The following CMSS1 variants were observed in gnomAD, a reference collection of about 807,000 sequenced individuals.
The protein encoded by CMSS1 is cms1 ribosomal small subunit homolog.
A neutral mutation model predicts 43.5 loss-of-function variants in CMSS1; 33 were observed. The observed-to-expected ratio is 0.76, with a 90% CI of 0.57 to 1.01. The LOEUF is 1.01. CMSS1 is among the 50% of genes least tolerant of loss of function. The pLI is 0.00. For missense variants in CMSS1, 313 were observed against 326.4 expected (o/e 0.96, Z 0.32); for synonymous variants, 115 against 117.2 (o/e 0.98, Z 0.12).
At chr3:99,890,356 A>G (rs1388176335) in intron 1 of CMSS1, among the ~76,000 whole-genome samples, 2 of 152,064 alleles carry the variant, frequency 1.3e-5, no homozygotes, top group Non-Finnish European at 1.5e-5. Context: ...TGTCCTTACC[A>G]GGTTTCATTG....
chr3:99,849,995 T>G, intron 1 of CMSS1: 1 of 1,610,930 alleles, frequency 6.2e-7, no homozygotes. Context: ...CTCTCCTTGG[T>G]TACGCTGTAC....
chr3:99,850,260 T>C (rs1479116078), intron 1 of CMSS1: 2 of 1,613,796 alleles, frequency 1.2e-6, no homozygotes, highest in African/African-American at 2.7e-5. Context: ...CAATGGCTTC[T>C]AGCTCTTTGA....
At chr3:99,872,320 T>TGTGTGTGA (rs1431686347) in intron 1 of CMSS1, among the ~76,000 whole-genome samples, 1 of 143,158 alleles carries the variant, frequency 7.0e-6, no homozygotes, top group Admixed American at 7.0e-5. Context: ...TGTGTGTGTG[T>TGTGTGTGA]GTGACTGTGG....
chr3:100,081,107 C>T (rs1457023443), intron 1 of CMSS1, among the ~76,000 whole-genome samples: 1 of 152,186 alleles, frequency 6.6e-6, no homozygotes, highest in Non-Finnish European at 1.5e-5. Flanking sequence ...TTCTAGCCCC[C>T]TTATTTGATG....
chr3:100,105,351 A>G (rs1379965794), intron 1 of CMSS1, among the ~76,000 whole-genome samples: 1 of 152,186 alleles, frequency 6.6e-6, no homozygotes, highest in Non-Finnish European at 1.5e-5. Flanking sequence ...GACTAGTAAT[A>G]TCTTTTTAGA....
In CMSS1 at chr3:99,876,896, T is replaced by A. The variant is rs957526177; in HGVS notation, c.64+58853T>A. On this transcript the variant is annotated intron_variant, in intron 1 of 9. Coordinates refer to ENST00000421999, the MANE Select transcript of CMSS1 (RefSeq NM_032359.4). Reference sequence around the variant, plus strand: ...AAATTTTTAAAGAAATTAAATGTTTTGTGCTGTACTTTCAAGACAATGTAT... The same window carrying A: ...AAATTTTTAAAGAAATTAAATGTTTAGTGCTGTACTTTCAAGACAATGTAT... Among the ~76,000 whole-genome samples, 4 of 152,360 alleles carry A rather than the reference T, an allele frequency of 2.6e-5. No individual in the cohort carries two copies. In the South Asian group the frequency reaches 8.3e-4, roughly 32 times the overall value.
intron 4 of CMSS1, among the ~76,000 whole-genome samples, chr3:100,163,328 T>C (rs1395867964): frequency 6.6e-6 from 1 of 152,178 alleles, no homozygotes; most frequent in Non-Finnish European, 1.5e-5. Flanking sequence ...TTTCTAGTCA[T>C]GGTTTTTAGA....
intron 1 of CMSS1, among the ~76,000 whole-genome samples, chr3:99,837,562 A>G (rs969230052): frequency 6.6e-6 from 1 of 152,180 alleles, no homozygotes; most frequent in Non-Finnish European, 1.5e-5. Flanking sequence ...GGGGAGACAT[A>G]GGAGCCAACT....
chr3:99,876,317 A>C, intron 1 of CMSS1: 1 of 545,670 alleles, frequency 1.8e-6, no homozygotes, highest in Non-Finnish European at 2.3e-6. Context: ...CACACACCCC[A>C]GCTCCCGCGG....
intron 1 of CMSS1, among the ~76,000 whole-genome samples, chr3:99,858,007 T>G (rs1029680218): frequency 6.6e-6 from 1 of 152,154 alleles, no homozygotes; most frequent in African/African-American, 2.4e-5. Flanking sequence ...AAAAAGGAGA[T>G]AGTTCCAGCA....
intron 1 of CMSS1, among the ~76,000 whole-genome samples, chr3:100,003,804 A>ATGAGATGCTAAAAGTCAAGAGCATAG (rs1709910437): frequency 6.6e-6 from 1 of 152,186 alleles, no homozygotes; most frequent in Admixed American, 6.5e-5. Flanking sequence ...ATTGAGCAAT[A>ATGAGATGCTAAAAGTCAAGAGCATAG]ACCATTAAGT....
intron 1 of CMSS1, among the ~76,000 whole-genome samples, chr3:100,106,814 G>A (rs974255385): frequency 6.6e-6 from 1 of 152,138 alleles, no homozygotes; most frequent in Non-Finnish European, 1.5e-5. Context: ...CCTGTAGTAT[G>A]TTTTCATATG....
intron 1 of CMSS1, among the ~76,000 whole-genome samples, chr3:99,838,872 A>T (rs931093813): frequency 1.3e-5 from 2 of 152,150 alleles, no homozygotes; most frequent in African/African-American, 4.8e-5. Context: ...TTACCTCACT[A>T]TGCAGAAACC....
At chr3:99,847,268 C>T (rs150418075) in intron 1 of CMSS1, among the ~76,000 whole-genome samples, 1 of 149,152 alleles carries the variant, frequency 6.7e-6, no homozygotes. Flanking sequence ...CCCTTATGAA[C>T]AGGGTAGGTA....
At chr3:99,925,501 A>G (rs1707262680) in intron 1 of CMSS1, among the ~76,000 whole-genome samples, 1 of 152,004 alleles carries the variant, frequency 6.6e-6, no homozygotes, top group Admixed American at 6.6e-5. Flanking sequence ...GGAAACTGAG[A>G]TTTTTTTTGT....
chr3:100,042,459 G>C (rs1265880486), intron 1 of CMSS1, among the ~76,000 whole-genome samples: 1 of 152,174 alleles, frequency 6.6e-6, no homozygotes, highest in Non-Finnish European at 1.5e-5. Flanking sequence ...GTGATTCACG[G>C]TGCTACAAGA....
chr3:99,843,541 T>C (rs1037882745), intron 1 of CMSS1, among the ~76,000 whole-genome samples: 4 of 152,228 alleles, frequency 2.6e-5, no homozygotes, highest in African/African-American at 9.6e-5. Context: ...TTTTGACTTA[T>C]GATGGGGTTA....
At chr3:99,883,921 A>G (rs1705811956) in intron 1 of CMSS1, among the ~76,000 whole-genome samples, 1 of 152,208 alleles carries the variant, frequency 6.6e-6, no homozygotes, top group African/African-American at 2.4e-5. Context: ...TACTGACTCC[A>G]GCAACTTCTG....
intron 1 of CMSS1, among the ~76,000 whole-genome samples, chr3:99,838,805 T>G (rs2107500359): frequency 6.6e-6 from 1 of 152,340 alleles, no homozygotes; most frequent in African/African-American, 2.4e-5. Context: ...TTTCTAGGGT[T>G]GTTGTAAAAT....
Sources: gnomAD v4.1 joint callset for allele counts (sites outside exome capture counted in the v4.1 genomes callset) on GRCh38, gnomAD v4.1.1 for gene constraint, MANE v1.5 for transcripts, NCBI Gene and HGNC (gene_info 2026-07-23, HGNC 2026-07-21) for gene names.